Variants in MILR1 observed in about 807,000 individuals in gnomAD.
The protein encoded by MILR1 is allergin-1.
In MILR1, 31 loss-of-function variants were observed where a neutral mutation model predicts 18.5. The observed-to-expected ratio is 1.68, with a 90% CI of 1.26 to 2.26. MILR1 has a LOEUF of 2.26. MILR1 is among the 30% of genes most tolerant of loss of function. The pLI, the probability that MILR1 is intolerant of heterozygous loss-of-function variation, is 0.00. For missense variants in MILR1, 257 were observed against 157.4 expected (o/e 1.63, Z -3.38); for synonymous variants, 85 against 56.2 (o/e 1.51, Z -2.30).
intron 5 of MILR1, among the ~76,000 whole-genome samples, chr17:64,461,484 G>A (rs2037431226): frequency 2.0e-5 from 3 of 152,008 alleles, no homozygotes; most frequent in African/African-American, 7.2e-5. Flanking sequence ...CCCAGCCTCA[G>A]GTGATCCACC....
At chr17:64,491,932 A>C in the MILR1 span, 1 of 220,436 alleles carries the variant, frequency 4.5e-6, no homozygotes, top group Non-Finnish European at 9.1e-6. Flanking sequence ...TTGTGAAAAA[A>C]AAAAAACAAA....
At chr17:64,481,851 G>A in the MILR1 span, among the ~76,000 whole-genome samples, 2 of 150,824 alleles carry the variant, frequency 1.3e-5, no homozygotes, top group Admixed American at 6.6e-5. Flanking sequence ...CTCCAGCCTG[G>A]GTAACAGAGC....
chr17:64,496,365 CCACCCGA>C, the MILR1 span: 1 of 1,354,692 alleles, frequency 7.4e-7, no homozygotes, highest in Non-Finnish European at 1.0e-6. Flanking sequence ...CCTCGCCTTT[CCACCCGA>C]CACCTGTTTT....
chr17:64,454,809 T>C (rs1223206392), intron 3 of MILR1, among the ~76,000 whole-genome samples: 1 of 152,012 alleles, frequency 6.6e-6, no homozygotes, highest in South Asian at 2.1e-4. Flanking sequence ...GCCTGGGAAC[T>C]ATGTGGAGAC....
chr17:64,477,635 T>G, the MILR1 span: 2 of 641,286 alleles, frequency 3.1e-6, no homozygotes, highest in East Asian at 3.5e-5. Flanking sequence ...TCCAGTATAG[T>G]AGATTTTTGT....
chr17:64,475,808 CTTTT>C, the MILR1 span, among the ~76,000 whole-genome samples: 20 of 102,530 alleles, frequency 2.0e-4, no homozygotes, highest in Admixed American at 6.6e-4. Flanking sequence ...CTACCACTTC[CTTTT>C]TTTTTTTTTT....
the MILR1 span, chr17:64,482,951 C>T: frequency 6.2e-7 from 1 of 1,606,284 alleles, no homozygotes; most frequent in East Asian, 2.2e-5. Flanking sequence ...CCTCTTCCTA[C>T]ATCCAAAGCA....
chr17:64,494,981 G>A, the MILR1 span, among the ~76,000 whole-genome samples: 1 of 151,324 alleles, frequency 6.6e-6, no homozygotes, highest in East Asian at 2.0e-4. Context: ...AGACCATCCT[G>A]GCTAACAAGG....
At chr17:64,496,134 C>T in the MILR1 span, among the ~76,000 whole-genome samples, 105 of 152,304 alleles carry the variant, frequency 6.9e-4, 1 homozygote, top group Admixed American at 1.2e-3. Flanking sequence ...CTACATTGCA[C>T]TAAATGACAG....
In MILR1 at chr17:64,455,372, A is replaced by C. The variant is rs1308044626; in HGVS notation, c.368-2028A>C. On this transcript the variant is annotated intron_variant, in intron 3 of 9. Coordinates refer to ENST00000619286, the MANE Select transcript of MILR1 (RefSeq NM_001085423.2). ...ACTACTGGGTTTTTAATGAGGCCTA[A>C]AACATAGTGTTGTCTCCAACCCAGT... is the stretch of plus-strand genomic sequence containing the variant. Among the ~76,000 whole-genome samples, 6 of 152,312 alleles carry C rather than the reference A, an allele frequency of 3.9e-5. No homozygotes were observed. The East Asian group carries it at 1.2e-3, about 29-fold the overall frequency.
intron 4 of MILR1, among the ~76,000 whole-genome samples, chr17:64,460,215 AG>A (rs2037402353): frequency 6.6e-6 from 1 of 151,890 alleles, no homozygotes; most frequent in African/African-American, 2.4e-5. Flanking sequence ...GGGTAGAGAC[AG>A]GGTTTCACCA....
the MILR1 span, among the ~76,000 whole-genome samples, chr17:64,482,600 G>A: frequency 1.6e-4 from 25 of 152,330 alleles, no homozygotes; most frequent in South Asian, 4.3e-3. Flanking sequence ...TTACAGGCGT[G>A]AGCCACCACG....
the MILR1 span, among the ~76,000 whole-genome samples, chr17:64,484,652 G>A: frequency 6.6e-6 from 1 of 152,174 alleles, no homozygotes; most frequent in African/African-American, 2.4e-5. Context: ...GAGTCAAACA[G>A]GATTTGCTGA....
chr17:64,449,950 T>TC (rs2037129116), intron 2 of MILR1, among the ~76,000 whole-genome samples: 2 of 136,328 alleles, frequency 1.5e-5, no homozygotes, highest in African/African-American at 7.4e-5. Context: ...TTCTTTCTTT[T>TC]TTTTTTTGAG....
the MILR1 span, chr17:64,497,092 G>C: frequency 2.9e-6 from 3 of 1,018,726 alleles, no homozygotes; most frequent in Non-Finnish European, 4.5e-6. Context: ...GTGCTTGCGG[G>C]CGGCAGGCCC....
At chr17:64,495,590 C>T in the MILR1 span, among the ~76,000 whole-genome samples, 1 of 152,126 alleles carries the variant, frequency 6.6e-6, no homozygotes, top group Admixed American at 6.5e-5. Context: ...TTTAATTTAC[C>T]AATTCATATT....
At chr17:64,485,643 G>A in the MILR1 span, 4 of 1,095,776 alleles carry the variant, frequency 3.7e-6, no homozygotes, top group Non-Finnish European at 5.6e-6. Flanking sequence ...TAGAGTTTAT[G>A]TTAGAAACCG....
the MILR1 span, among the ~76,000 whole-genome samples, chr17:64,488,333 G>C: frequency 2.1e-4 from 32 of 152,262 alleles, no homozygotes; most frequent in African/African-American, 7.5e-4. Context: ...TCTGGAAACA[G>C]AAAAGGAACA....
the MILR1 span, chr17:64,492,546 G>A: frequency 6.0e-6 from 4 of 668,806 alleles, no homozygotes; most frequent in Non-Finnish European, 1.0e-5. Context: ...TTTTGTATTT[G>A]TATAATATAT....
Sources: allele counts gnomAD v4.1 joint callset (sites outside exome capture counted in the v4.1 genomes callset), GRCh38; gene constraint gnomAD v4.1.1; transcripts MANE v1.5; gene names NCBI Gene and HGNC (gene_info 2026-07-23, HGNC 2026-07-21).